The following ZNF385B variants were observed in gnomAD, a reference collection of about 807,000 sequenced individuals.
ZNF385B encodes the protein zinc finger protein 533.
In ZNF385B, 23 loss-of-function variants were observed where a neutral mutation model predicts 39.2. That is an observed-to-expected ratio of 0.59 (90% CI 0.42 to 0.83). The LOEUF is 0.83. Ranked by LOEUF, ZNF385B falls within the 40% of genes least tolerant of loss-of-function variation. The pLI, the probability that ZNF385B is intolerant of heterozygous loss-of-function variation, is 0.00. For synonymous variants in ZNF385B, 205 were observed against 222.6 expected (o/e 0.92, Z 0.70); for missense variants, 552 against 598.9 (o/e 0.92, Z 0.82).
intron 3 of ZNF385B, among the ~76,000 whole-genome samples, chr2:179,765,428 A>G (rs915806819): frequency 6.6e-6 from 1 of 152,154 alleles, no homozygotes; most frequent in African/African-American, 2.4e-5. Context: ...ATGGGCTTAC[A>G]TGGTTCCAGG....
At chr2:179,689,028 T>G (rs1252774004) in intron 3 of ZNF385B, among the ~76,000 whole-genome samples, 1 of 152,198 alleles carries the variant, frequency 6.6e-6, no homozygotes, top group Non-Finnish European at 1.5e-5. Flanking sequence ...TGTATGACAT[T>G]GCCTCTAACC....
intron 1 of ZNF385B, among the ~76,000 whole-genome samples, chr2:179,810,401 G>T (rs1017255362): frequency 2.0e-5 from 3 of 151,912 alleles, no homozygotes; most frequent in African/African-American, 7.2e-5. Flanking sequence ...ACAATCAAGA[G>T]AAAATATTGT....
chr2:179,578,019 C>A (rs1686037522), intron 3 of ZNF385B, among the ~76,000 whole-genome samples: 1 of 151,990 alleles, frequency 6.6e-6, no homozygotes, highest in Non-Finnish European at 1.5e-5. Flanking sequence ...GGCTAGGCAC[C>A]TTAGACATTA....
intron 3 of ZNF385B, among the ~76,000 whole-genome samples, chr2:179,571,036 T>G (rs1685153169): frequency 6.6e-6 from 1 of 152,216 alleles, no homozygotes; most frequent in African/African-American, 2.4e-5. Flanking sequence ...TAATCCAGGT[T>G]TTTTGCATAC....
At chr2:179,842,721 C>T (rs1434182793) in intron 1 of ZNF385B, among the ~76,000 whole-genome samples, 2 of 152,074 alleles carry the variant, frequency 1.3e-5, no homozygotes, top group African/African-American at 4.8e-5. Flanking sequence ...TCAGCAAAGC[C>T]CCTGTGATCC....
At chr2:179,578,265 T>C (rs892711720) in intron 3 of ZNF385B, among the ~76,000 whole-genome samples, 1 of 152,148 alleles carries the variant, frequency 6.6e-6, no homozygotes, top group African/African-American at 2.4e-5. Flanking sequence ...ACAGGGTCCC[T>C]GCTCTTAAGA....
intron 1 of ZNF385B, among the ~76,000 whole-genome samples, chr2:179,836,705 A>G (rs989484980): frequency 6.6e-6 from 1 of 151,402 alleles, no homozygotes; most frequent in South Asian, 2.1e-4. Flanking sequence ...TTTTTAGTAG[A>G]GACGGGGTTT....
rs1390746830 is a variant in ZNF385B, at chr2:179,550,512, A to G, written c.299-5543T>C. Among the ~76,000 whole-genome samples the G allele has an allele frequency of 4.7e-5, 7 of 149,826 alleles. 2 individuals are homozygous for G. The highest frequency in any genetic ancestry group is 1.3e-4 in the Admixed American group (2 of 15,062). On this transcript the variant is annotated intron_variant, in intron 3 of 9. Transcript: ENST00000410066. Reference sequence around the variant, plus strand: ...TACTCATTAGCATAAAAAACTTAGCAGCTGTTTACCATTTCATTAGCATTT... The same window carrying G: ...TACTCATTAGCATAAAAAACTTAGCGGCTGTTTACCATTTCATTAGCATTT...
At chr2:179,830,432 T>C (rs145298755) in intron 1 of ZNF385B, among the ~76,000 whole-genome samples, 1,748 of 152,320 alleles carry the variant, frequency 0.011, 15 homozygotes, top group Middle Eastern at 0.027. Context: ...TAAAAAATGA[T>C]TATGGAGGTT....
Position 179,511,991 on chromosome 2 carries a change from A to C in ZNF385B, c.552+6537T>G, listed in dbSNP as rs1222994919. Among the ~76,000 whole-genome samples the C allele has an allele frequency of 3.9e-5, 6 of 152,224 alleles. No individual in the cohort carries two copies. The South Asian group carries it at 1.2e-3, about 32-fold the overall frequency. ...ATTCAAAGATAATAATGTAAATTTG[A>C]AAAATCAAATGGGCTAGCTCCAAAT... On this transcript the variant is annotated intron_variant, in intron 5 of 9. Transcript: ENST00000410066.
At chr2:179,674,239 C>G (rs1696440988) in intron 3 of ZNF385B, among the ~76,000 whole-genome samples, 1 of 152,232 alleles carries the variant, frequency 6.6e-6, no homozygotes, top group South Asian at 2.1e-4. Flanking sequence ...AAAATGGTCG[C>G]AATTCCTGCT....
At chr2:179,842,836 GC>G in intron 1 of ZNF385B, among the ~76,000 whole-genome samples, 1 of 152,298 alleles carries the variant, frequency 6.6e-6, no homozygotes, top group Non-Finnish European at 1.5e-5. Flanking sequence ...CAGATAAGAA[GC>G]CATCGGAGTG....
chr2:179,522,695 A>G, intron 4 of ZNF385B, among the ~76,000 whole-genome samples: 1 of 141,682 alleles, frequency 7.1e-6, no homozygotes, highest in East Asian at 2.1e-4. Context: ...TGTTTATAAT[A>G]TATCTTTTAC....
intron 3 of ZNF385B, among the ~76,000 whole-genome samples, chr2:179,753,291 A>G (rs1702796345): frequency 1.3e-5 from 2 of 151,972 alleles, no homozygotes; most frequent in African/African-American, 4.8e-5. Flanking sequence ...CCATTGGTCT[A>G]TATATATCTC....
intron 3 of ZNF385B, among the ~76,000 whole-genome samples, chr2:179,670,944 T>C (rs906977334): frequency 1.3e-5 from 2 of 152,222 alleles, no homozygotes; most frequent in Admixed American, 6.5e-5. Flanking sequence ...CTCTGTGACC[T>C]TGGAAAAGTC....
intron 3 of ZNF385B, among the ~76,000 whole-genome samples, chr2:179,676,209 C>A (rs1696762385): frequency 6.6e-6 from 1 of 151,940 alleles, no homozygotes; most frequent in Non-Finnish European, 1.5e-5. Flanking sequence ...CTGCCTCAGC[C>A]TCCCGAGTAG....
intron 3 of ZNF385B, among the ~76,000 whole-genome samples, chr2:179,580,487 T>G (rs967855684): frequency 7.2e-5 from 11 of 152,304 alleles, no homozygotes; most frequent in African/African-American, 2.2e-4. Context: ...ATAATTCATA[T>G]TTTAAAGTCC....
rs995601752 is a variant in ZNF385B, at chr2:179,446,789, G to A, written c.716-19C>T. 6.3e-7 allele frequency: 1 copy of A among 1,590,782 alleles called. No homozygotes were observed. The highest frequency in any genetic ancestry group is 8.5e-7 in the Non-Finnish European group (1 of 1,171,606). Reference sequence around the variant, plus strand: ...TTATCTTCTAAGAGAAACACAGAGAGATCTTATTGAAGCCTCATATATCAT... The same window carrying A: ...TTATCTTCTAAGAGAAACACAGAGAAATCTTATTGAAGCCTCATATATCAT... On this transcript the variant is annotated intron_variant, in intron 6 of 9. Transcript: ENST00000410066.
intron 3 of ZNF385B, among the ~76,000 whole-genome samples, chr2:179,684,263 A>T (rs1697755485): frequency 6.6e-6 from 1 of 152,178 alleles, no homozygotes; most frequent in Non-Finnish European, 1.5e-5. Flanking sequence ...ATTCCTGGAC[A>T]TATTTGTACT....
Sources: allele counts gnomAD v4.1 joint callset (sites outside exome capture counted in the v4.1 genomes callset), GRCh38; gene constraint gnomAD v4.1.1; transcripts MANE v1.5; gene names NCBI Gene and HGNC (gene_info 2026-07-23, HGNC 2026-07-21).